The following NSUN6 variants were observed in gnomAD, a reference collection of about 807,000 sequenced individuals.
The protein encoded by NSUN6 is NOP2/Sun RNA methyltransferase 6.
NSUN6 carries 64 observed loss-of-function variants against 58.0 expected under a neutral mutation model. That is an observed-to-expected ratio of 1.10 (90% confidence interval 0.90 to 1.36). The LOEUF is 1.36. NSUN6 is among the 40% of genes most tolerant of loss of function. The pLI, the probability that NSUN6 is intolerant of heterozygous loss-of-function variation, is 0.00. For synonymous variants in NSUN6, 231 were observed against 193.9 expected (o/e 1.19, Z -1.59); for missense variants, 701 against 550.1 (o/e 1.27, Z -2.74).
rs2058340691 is a variant in NSUN6, at chr10:18,614,444, G to C, written c.575+16C>G. The C allele has an allele frequency of 7.0e-7, 1 of 1,418,948 alleles. No homozygotes were observed. The highest frequency in any genetic ancestry group is 1.5e-5 in the African/African-American group (1 of 67,250). 87.9% of individuals were successfully genotyped at this position (1,418,948 alleles called of 1,614,324 possible). ...CAAAAAGGATGCTGATTTCCCCAAAGCACCTGATGACATACTTCAGTTCAG... is the reference window on the plus strand; with the variant it reads ...CAAAAAGGATGCTGATTTCCCCAAACCACCTGATGACATACTTCAGTTCAG... On this transcript the variant is annotated intron_variant, in intron 5 of 10. Coordinates refer to ENST00000377304, the MANE Select transcript of NSUN6 (RefSeq NM_182543.5).
At chr10:18,551,760 A>T in intron 9 of NSUN6, 63 bp downstream of exon 9, 1 of 1,395,578 alleles carries the variant, frequency 7.2e-7, no homozygotes, top group Non-Finnish European at 1.0e-6. Context: ...GATTGCTGTC[A>T]GTAGTTTAAA....
chr10:18,652,653 T>TCAG (rs2059729896), upstream of NSUN6: 1 of 782,228 alleles, frequency 1.3e-6, no homozygotes, highest in Admixed American at 6.4e-5. Context: ...CTCCACCTCC[T>TCAG]GGTTCAAGAG....
Position 18,559,553 on chromosome 10 carries a change from CGAATT to C in NSUN6, c.923-7587_923-7583del, listed in dbSNP as rs1364899049. 7.2e-5 allele frequency among the ~76,000 whole-genome samples: 9 copies of C among 124,662 alleles called. No homozygotes were observed. In the East Asian group the frequency reaches 2.2e-3, roughly 31 times the overall value. The allele number at this position is 124,662 out of a possible 152,430, so 81.8% of individuals were successfully genotyped here. ...CAGAATGGAGAGTGGAGAATAGAAA[CGAATT>C]GAATGGAATGGAGAATGCAATAGAG... On this transcript the variant is annotated intron_variant, in intron 8 of 10. Transcript: ENST00000377304.
chr10:18,635,087 G>A (rs1411999897), intron 3 of NSUN6, among the ~76,000 whole-genome samples: 1 of 152,172 alleles, frequency 6.6e-6, no homozygotes, highest in Non-Finnish European at 1.5e-5. Flanking sequence ...TTTGGTATGT[G>A]CTACGCAGAG....
At chr10:18,564,977 A>ATTCCATTCCATTCTCCATT in intron 8 of NSUN6, among the ~76,000 whole-genome samples, 1 of 146,732 alleles carries the variant, frequency 6.8e-6, no homozygotes, top group Non-Finnish European at 1.5e-5. Flanking sequence ...TCCATTCTCC[A>ATTCCATTCCATTCTCCATT]TTCCATTCCA....
At chr10:18,606,796 G>A (rs1041673191) in intron 6 of NSUN6, among the ~76,000 whole-genome samples, 1 of 152,116 alleles carries the variant, frequency 6.6e-6, no homozygotes, top group Non-Finnish European at 1.5e-5. Context: ...ATAGACTCTA[G>A]GTACCCATAT....
chr10:18,631,306 G>A (rs2059021985), intron 3 of NSUN6, among the ~76,000 whole-genome samples: 4 of 145,740 alleles, frequency 2.7e-5, no homozygotes, highest in Admixed American at 2.1e-4. Flanking sequence ...CATACTGAAT[G>A]GGCAAAAACT....
intron 8 of NSUN6, among the ~76,000 whole-genome samples, chr10:18,563,132 T>C (rs980335325): frequency 7.7e-5 from 10 of 130,654 alleles, no homozygotes; most frequent in African/African-American, 2.9e-4. Flanking sequence ...AGAATGGAGA[T>C]TGAACTGGAA....
chr10:18,606,905 T>A (rs149144891), intron 6 of NSUN6, among the ~76,000 whole-genome samples: 6 of 152,326 alleles, frequency 3.9e-5, no homozygotes, highest in African/African-American at 1.4e-4. Flanking sequence ...AGGCTCCCTG[T>A]GTTGGCTGAG....
upstream of NSUN6, chr10:18,652,460 G>A: frequency 2.0e-6 from 2 of 983,626 alleles, no homozygotes; most frequent in Non-Finnish European, 2.4e-6. Context: ...CACACACATA[G>A]AACAGGTACT....
At chr10:18,618,654 C>T (rs1313661979) in intron 3 of NSUN6, among the ~76,000 whole-genome samples, 2 of 136,124 alleles carry the variant, frequency 1.5e-5, no homozygotes, top group East Asian at 4.3e-4. Context: ...TGCACTCCAG[C>T]GTGGGCAATA....
chr10:18,616,380 C>G, intron 3 of NSUN6, 87 bp from the exon 4 acceptor site: 1 of 759,382 alleles, frequency 1.3e-6, no homozygotes. Context: ...ACTCTAATGC[C>G]TCTTTAGTCT....
At chr10:18,651,965 G>T, upstream of NSUN6, 1 of 985,410 alleles carries the variant, frequency 1.0e-6, no homozygotes, top group Non-Finnish European at 1.2e-6. Context: ...AGAGGATGAG[G>T]CCAGAATTTG....
intron 7 of NSUN6, among the ~76,000 whole-genome samples, chr10:18,590,411 A>G (rs2057335174): frequency 6.6e-6 from 1 of 152,216 alleles, no homozygotes; most frequent in South Asian, 2.1e-4. Flanking sequence ...TGGACCTAAT[A>G]GACATCTACA....
At position 18,637,865 on chromosome 10, in the gene NSUN6, G is replaced by C. The variant is rs532238375; in HGVS notation, c.311+4611C>G. Among the ~76,000 whole-genome samples, 18 of 152,302 alleles carry C rather than the reference G, an allele frequency of 1.2e-4. No homozygotes were observed. The South Asian group carries it at 2.3e-3, about 19-fold the overall frequency. ...TTAAGTGAACACAAAACAAATTGCAGAATATTATCATCTTTTCTATTTTCT... is the reference window on the plus strand; with the variant it reads ...TTAAGTGAACACAAAACAAATTGCACAATATTATCATCTTTTCTATTTTCT... On this transcript the variant is annotated intron_variant, in intron 3 of 10. Coordinates refer to ENST00000377304, the MANE Select transcript of NSUN6 (RefSeq NM_182543.5).
intron 10 of NSUN6, 48 bp from the exon 11 acceptor site, chr10:18,546,193 A>AGTCATACTTGCTAATTAC: frequency 3.3e-6 from 4 of 1,226,364 alleles, no homozygotes; most frequent in East Asian, 2.3e-5. Context: ...TGTAATTAGC[A>AGTCATACTTGCTAATTAC]AGTATGACTG....
At chr10:18,659,138 G>T (rs2131631994), upstream of NSUN6, 1 of 156,092 alleles carries the variant, frequency 6.4e-6, no homozygotes, top group South Asian at 1.8e-4. Flanking sequence ...ACGTTTTGAA[G>T]GCTGACATCA....
intron 7 of NSUN6, 40 bp from the exon 8 acceptor site, chr10:18,586,133 A>G (rs780426407): frequency 2.1e-6 from 3 of 1,458,676 alleles, no homozygotes; most frequent in Admixed American, 4.9e-5. Context: ...AAAAAAAAAA[A>G]GAAAATTATA....
intron 6 of NSUN6, among the ~76,000 whole-genome samples, chr10:18,607,416 T>C (rs1241284039): frequency 6.6e-6 from 1 of 152,212 alleles, no homozygotes; most frequent in Non-Finnish European, 1.5e-5. Flanking sequence ...TATCACCTGG[T>C]TCTGGTCTGC....
Sources: allele counts gnomAD v4.1 joint callset (sites outside exome capture counted in the v4.1 genomes callset), GRCh38; gene constraint gnomAD v4.1.1; transcripts MANE v1.5; gene names NCBI Gene and HGNC (gene_info 2026-07-23, HGNC 2026-07-21).